Variants in PHGDH observed in about 807,000 individuals in gnomAD.
The protein encoded by PHGDH is phosphoglycerate dehydrogenase.
Under a neutral mutation model 52.6 loss-of-function variants are expected in PHGDH, and 50 were observed. That is an observed-to-expected ratio of 0.95 (90% CI 0.76 to 1.20). The LOEUF (loss-of-function observed/expected upper bound fraction) is 1.20, where lower values mean the gene tolerates loss of function less well. Among genes scored for constraint, PHGDH ranks in the 50% most tolerant of loss-of-function variants. The pLI is 0.00. For missense variants in PHGDH, 630 were observed against 684.6 expected (o/e 0.92, Z 0.89); for synonymous variants, 271 against 280.5 (o/e 0.97, Z 0.34).
At chr1:119,721,355 A>G (rs767400726) in intron 2 of PHGDH, 34 bp downstream of exon 2, 14 of 1,607,346 alleles carry the variant, frequency 8.7e-6, no homozygotes, top group Non-Finnish European at 1.2e-5. Flanking sequence ...GTTTGGGGGT[A>G]GGGGGGTGAG....
intron 7 of PHGDH, among the ~76,000 whole-genome samples, chr1:119,736,839 G>A (rs1276716406): frequency 3.3e-5 from 5 of 152,248 alleles, no homozygotes; most frequent in Admixed American, 3.3e-4. Flanking sequence ...AGAAACTGAG[G>A]CTTAGATCAA....
At position 119,712,064 on chromosome 1, in the gene PHGDH, C is replaced by T; in HGVS notation, c.42C>T (p.Ser14=). ...TGCGGAAAGTGCTCATCAGTGACAGCCTGGACCCTTGCTGCCGGAAGATCT... is the reference window on the plus strand; with the variant it reads ...TGCGGAAAGTGCTCATCAGTGACAGTCTGGACCCTTGCTGCCGGAAGATCT... The part of the protein sequence containing the change: ...ANLRKVLISD[S]LDPCCRKILQ... Residue 14 remains serine (S), a synonymous_variant, in exon 1 of 12, where the codon AGC becomes AGT. Transcript: ENST00000641023. 1 of 1,614,146 alleles carries T rather than the reference C, an allele frequency of 6.2e-7. No homozygotes were observed. Among genetic ancestry groups the T allele is most frequent in the Non-Finnish European group, 8.5e-7 (1 of 1,179,990 alleles).
intron 1 of PHGDH, chr1:119,715,901 C>G (rs1017422337): frequency 6.6e-6 from 1 of 152,358 alleles, no homozygotes; most frequent in African/African-American, 2.4e-5. Flanking sequence ...AAGTTTTAAT[C>G]GCAAACTGCA....
At chr1:119,728,189 G>A (rs1170575956) in intron 5 of PHGDH, among the ~76,000 whole-genome samples, 17 of 152,052 alleles carry the variant, frequency 1.1e-4, no homozygotes, top group Admixed American at 7.9e-4. Context: ...TATGAATACC[G>A]AGGCTTATTG....
At chr1:119,725,544 A>C (rs1651369031) in intron 3 of PHGDH, among the ~76,000 whole-genome samples, 1 of 152,204 alleles carries the variant, frequency 6.6e-6, no homozygotes, top group South Asian at 2.1e-4. Flanking sequence ...AGGTGAATGC[A>C]GCTTGTCCCC....
intron 3 of PHGDH, chr1:119,724,882 C>G (rs483180): frequency 0.27 from 123,369 of 456,468 alleles, 18,142 homozygotes; most frequent in Non-Finnish European, 0.31. Context: ...AAAGGTGCAT[C>G]AAAACTAGGA....
intron 1 of PHGDH, among the ~76,000 whole-genome samples, chr1:119,716,716 G>A (rs934688002): frequency 3.4e-4 from 51 of 152,154 alleles, no homozygotes; most frequent in Admixed American, 3.3e-3. Flanking sequence ...TTGACTTTTG[G>A]TCCTGAGCTG....
chr1:119,718,543 C>A (rs1425695018), intron 1 of PHGDH, among the ~76,000 whole-genome samples: 1 of 152,202 alleles, frequency 6.6e-6, no homozygotes, highest in African/African-American at 2.4e-5. Flanking sequence ...CAGTTACAGT[C>A]TCAGAGTTAG....
chr1:119,729,227 T>A (rs953588993), intron 5 of PHGDH, among the ~76,000 whole-genome samples: 6 of 152,188 alleles, frequency 3.9e-5, no homozygotes, highest in Admixed American at 1.3e-4. Context: ...ACCACAGCCT[T>A]GCCCTCTGTG....
In PHGDH at chr1:119,722,821, A is replaced by C. The variant is rs532303; in HGVS notation, c.291-555A>C. Among the ~76,000 whole-genome samples, 3 of 150,590 alleles carry C rather than the reference A, an allele frequency of 2.0e-5. No individual in the cohort carries two copies. In the East Asian group the frequency reaches 5.8e-4, roughly 29 times the overall value. On this transcript the variant is annotated intron_variant, in intron 2 of 11. Transcript: ENST00000641023. The stretch of plus-strand genomic sequence containing the variant: ...AGGTTGAGCTGGAAGGATTGCTTGA[A>C]CCCTGGGAAGTCAAGGCTGCAGTGA...
intron 7 of PHGDH, among the ~76,000 whole-genome samples, chr1:119,735,998 G>A (rs964531111): frequency 1.3e-5 from 2 of 152,178 alleles, no homozygotes; most frequent in African/African-American, 4.8e-5. Flanking sequence ...AGGGAAGAGT[G>A]CATTTGCACT....
chr1:119,738,399 C>G (rs1181615018), intron 8 of PHGDH, among the ~76,000 whole-genome samples: 1 of 152,202 alleles, frequency 6.6e-6, no homozygotes, highest in Non-Finnish European at 1.5e-5. Context: ...CCACACAGTC[C>G]ATGGAAGTCA....
At chr1:119,738,122 C>CA (rs933482168) in intron 8 of PHGDH, among the ~76,000 whole-genome samples, 2 of 151,266 alleles carry the variant, frequency 1.3e-5, no homozygotes, top group African/African-American at 4.9e-5. Context: ...TCCCTGAGGA[C>CA]AAAAAAACAT....
chr1:119,724,297 G>T, intron 3 of PHGDH: 1 of 172,514 alleles, frequency 5.8e-6, no homozygotes, highest in South Asian at 1.4e-4. Flanking sequence ...AGGCATCAAG[G>T]ACTCCTTGTT....
chr1:119,726,749 G>T, intron 3 of PHGDH, 102 bp from the exon 4 acceptor site: 1 of 896,658 alleles, frequency 1.1e-6, no homozygotes, highest in Non-Finnish European at 1.9e-6. Context: ...TCTTGGGGAA[G>T]TGGCTGTCAT....
At chr1:119,742,139 C>CCATTTCTTTAGCTGT (rs1260778899) in intron 10 of PHGDH, 2 of 554,384 alleles carry the variant, frequency 3.6e-6, no homozygotes, top group African/African-American at 1.9e-5. Flanking sequence ...AGAAGTGTCC[C>CCATTTCTTTAGCTGT]CATTTCACAG....
chr1:119,714,588 C>G (rs587619528), intron 1 of PHGDH: 2 of 152,152 alleles, frequency 1.3e-5, no homozygotes, highest in Non-Finnish European at 2.9e-5. Flanking sequence ...GTTTCTTGGC[C>G]GGGCGCGGTG....
At chr1:119,724,489 G>C (rs587627928) in intron 3 of PHGDH, 7 of 336,286 alleles carry the variant, frequency 2.1e-5, no homozygotes, top group Admixed American at 8.5e-5. Context: ...AGGAGGCAGT[G>C]GGGGGAAAGG....
rs1651854823 is a variant in PHGDH, at chr1:119,734,702, G to A, written c.579G>A (p.Leu193=). Residue 193 remains leucine, a synonymous_variant, in exon 6 of 12, where the codon CTG becomes CTA. Transcript: ENST00000641023. ...SASFGVQQLP[L]EEIWPLCDFI... ...CCTTTGGTGTTCAGCAGCTGCCCCT[G>A]GAGGAGATCTGGCCTCTCTGTGATT... 1.3e-5 allele frequency: 21 copies of A among 1,613,860 alleles called. No homozygotes were observed. The South Asian group carries it at 2.2e-4, about 17-fold the overall frequency.
Sources: allele counts gnomAD v4.1 joint callset (sites outside exome capture counted in the v4.1 genomes callset), GRCh38; gene constraint gnomAD v4.1.1; transcripts MANE v1.5; gene names NCBI Gene and HGNC (gene_info 2026-07-23, HGNC 2026-07-21).